Variants in PDGFD observed in about 807,000 individuals in gnomAD.
PDGFD encodes platelet derived growth factor D.
Under a neutral mutation model 44.7 loss-of-function variants are expected in PDGFD, and 30 were observed. The ratio of observed to expected loss-of-function variants is 0.67; its 90% CI spans 0.50 to 0.91. The LOEUF is 0.91. PDGFD is among the 40% of genes least tolerant of loss of function. PDGFD has a pLI of 0.00. For synonymous variants in PDGFD, 173 were observed against 168.4 expected (o/e 1.03, Z -0.21); for missense variants, 445 against 457.8 (o/e 0.97, Z 0.25).
chr11:103,947,607 A>C, intron 4 of PDGFD, 55 bp downstream of exon 4: 2 of 1,408,360 alleles, frequency 1.4e-6, no homozygotes, highest in Non-Finnish European at 2.0e-6. Context: ...TTTGGGGTTG[A>C]CCTTAGCTGT....
chr11:104,043,691 GAAGCTTTCACTTATGGTGGAAGACA>G (rs1860395537), intron 1 of PDGFD, among the ~76,000 whole-genome samples: 1 of 152,156 alleles, frequency 6.6e-6, no homozygotes, highest in African/African-American at 2.4e-5. Context: ...AGAGCCTCGG[GAAGCTTTCACTTATGGTGGAAGACA>G]AAGAGGGAGC....
intron 1 of PDGFD, among the ~76,000 whole-genome samples, chr11:104,069,967 C>G (rs1169119795): frequency 6.6e-6 from 1 of 152,214 alleles, no homozygotes; most frequent in Non-Finnish European, 1.5e-5. Flanking sequence ...TGGATTCTAA[C>G]TTTATCCTCC....
chr11:104,054,534 C>A (rs1266899385), intron 1 of PDGFD, among the ~76,000 whole-genome samples: 3 of 141,500 alleles, frequency 2.1e-5, no homozygotes, highest in Non-Finnish European at 4.8e-5. Flanking sequence ...AAATAAAAAT[C>A]ATCACATGGG....
chr11:104,106,310 C>T (rs1217530085), intron 1 of PDGFD, among the ~76,000 whole-genome samples: 1 of 152,068 alleles, frequency 6.6e-6, no homozygotes, highest in Non-Finnish European at 1.5e-5. Flanking sequence ...ATTTTTTTAG[C>T]TCTGAGGAAT....
intron 3 of PDGFD, among the ~76,000 whole-genome samples, chr11:103,953,555 G>A (rs115053827): frequency 0.014 from 2,171 of 152,060 alleles, 50 homozygotes; most frequent in African/African-American, 0.05. Flanking sequence ...AAACTACAAT[G>A]GAAAAGAAAA....
At chr11:104,141,459 G>A (rs971611928) in intron 1 of PDGFD, among the ~76,000 whole-genome samples, 4 of 151,310 alleles carry the variant, frequency 2.6e-5, no homozygotes, top group African/African-American at 9.7e-5. Context: ...GTGCAGTGGT[G>A]AAATCTCTTA....
chr11:103,943,669 T>G lies in PDGFD; in HGVS notation c.574-19A>C. ...ATACCCCCTAAGAGTGACATACAGCTCAGTGTACTCAGAATAAGTCCATTG... is the reference window on the plus strand; with the variant it reads ...ATACCCCCTAAGAGTGACATACAGCGCAGTGTACTCAGAATAAGTCCATTG... On this transcript the variant is annotated intron_variant, in intron 4 of 6. Transcript: ENST00000393158. 2 of 1,593,162 alleles carry G rather than the reference T, an allele frequency of 1.3e-6. 1 individual carries two copies. Among genetic ancestry groups the G allele is most frequent in the Non-Finnish European group, 1.7e-6 (2 of 1,164,190 alleles).
chr11:104,036,798 AGCCCGGCCC>A (rs1301683121), intron 1 of PDGFD: 2 of 1,591,746 alleles, frequency 1.3e-6, no homozygotes, highest in African/African-American at 2.7e-5. Flanking sequence ...GCCCTCTGCT[AGCCCGGCCC>A]GCCCGGGCCC....
intron 1 of PDGFD, among the ~76,000 whole-genome samples, chr11:104,064,677 C>G (rs1186423206): frequency 6.6e-6 from 1 of 152,108 alleles, no homozygotes; most frequent in Non-Finnish European, 1.5e-5. Flanking sequence ...GGGCACATCA[C>G]TCTAAATAAA....
At chr11:104,128,962 A>G (rs1861878390) in intron 1 of PDGFD, among the ~76,000 whole-genome samples, 1 of 152,178 alleles carries the variant, frequency 6.6e-6, no homozygotes, top group Admixed American at 6.5e-5. Flanking sequence ...TAGAAATGCA[A>G]ACTCCGTACA....
rs146339777 is a variant in PDGFD, at chr11:103,935,326, T to A, written c.772+8126A>T. Among the ~76,000 whole-genome samples, 160 of 152,240 alleles carry A rather than the reference T, an allele frequency of 1.1e-3. 1 individual carries two copies. In the Middle Eastern group the frequency reaches 0.017, roughly 16 times the overall value. Reference sequence around the variant, plus strand: ...CACTGCTGAGATTTTCTTAAAATATTTCATGTGTGTGCCCTCATAGACACA... The same window carrying A: ...CACTGCTGAGATTTTCTTAAAATATATCATGTGTGTGCCCTCATAGACACA... On this transcript the variant is annotated intron_variant, in intron 5 of 6. Transcript: ENST00000393158.
At chr11:104,058,096 A>G (rs1860650769) in intron 1 of PDGFD, among the ~76,000 whole-genome samples, 1 of 152,184 alleles carries the variant, frequency 6.6e-6, no homozygotes, top group Admixed American at 6.5e-5. Flanking sequence ...GACAAAGATT[A>G]GTCAGCAATT....
chr11:104,020,636 G>A (rs756635770), intron 1 of PDGFD, among the ~76,000 whole-genome samples: 1 of 152,068 alleles, frequency 6.6e-6, no homozygotes, highest in East Asian at 1.9e-4. Flanking sequence ...TATATTTTGG[G>A]AGTACTGGGC....
chr11:103,999,705 C>T (rs1859589839), intron 2 of PDGFD, among the ~76,000 whole-genome samples: 1 of 152,164 alleles, frequency 6.6e-6, no homozygotes, highest in Non-Finnish European at 1.5e-5. Context: ...GCTTTGACCA[C>T]ACATGATGCA....
chr11:104,083,443 A>G (rs920781060), intron 1 of PDGFD, among the ~76,000 whole-genome samples: 11 of 152,212 alleles, frequency 7.2e-5, no homozygotes, highest in Non-Finnish European at 1.5e-4. Flanking sequence ...AATAGGAGGA[A>G]GTCTTCAGTA....
intron 1 of PDGFD, among the ~76,000 whole-genome samples, chr11:104,128,826 G>C (rs185640067): frequency 6.6e-6 from 1 of 152,210 alleles, no homozygotes; most frequent in Admixed American, 6.5e-5. Context: ...TCTTGGCATT[G>C]TCCAACACAT....
At chr11:104,162,702 C>T (rs1236495946) in intron 1 of PDGFD, among the ~76,000 whole-genome samples, 3 of 151,930 alleles carry the variant, frequency 2.0e-5, no homozygotes, top group Non-Finnish European at 4.4e-5. Context: ...TAGTAAATTC[C>T]AAATTAAGGA....
At chr11:104,034,569 G>A (rs1591130590) in intron 1 of PDGFD, among the ~76,000 whole-genome samples, 1 of 152,012 alleles carries the variant, frequency 6.6e-6, no homozygotes, top group East Asian at 1.9e-4. Context: ...AGAGGATATC[G>A]ACTATCTTGG....
intron 1 of PDGFD, among the ~76,000 whole-genome samples, chr11:104,069,229 C>T (rs1860838806): frequency 6.6e-6 from 1 of 152,126 alleles, no homozygotes; most frequent in South Asian, 2.1e-4. Flanking sequence ...GAATAATCAT[C>T]AATTTAGGTT....
Sources: gnomAD v4.1 joint callset for allele counts (sites outside exome capture counted in the v4.1 genomes callset) on GRCh38, gnomAD v4.1.1 for gene constraint, MANE v1.5 for transcripts, NCBI Gene and HGNC (gene_info 2026-07-23, HGNC 2026-07-21) for gene names.